The following CLVS1 variants were observed in gnomAD, a reference collection of about 807,000 sequenced individuals.
The protein encoded by CLVS1 is clavesin-1.
In CLVS1, 10 loss-of-function variants were observed where a neutral mutation model predicts 33.1. The observed-to-expected ratio is 0.30, with a 90% CI of 0.19 to 0.51. The LOEUF is 0.51. CLVS1 is among the 20% of genes least tolerant of loss of function. CLVS1 has a pLI of 0.97. For missense variants in CLVS1, 343 were observed against 433.4 expected, an observed-to-expected ratio of 0.79 and a Z score of 1.85; for synonymous variants, 163 against 166.1, an observed-to-expected ratio of 0.98 and a Z score of 0.14.
At chr8:61,402,269 G>A (rs1251513767) in intron 3 of CLVS1, among the ~76,000 whole-genome samples, 3 of 151,946 alleles carry the variant, frequency 2.0e-5, no homozygotes, top group Non-Finnish European at 4.4e-5. Flanking sequence ...AAATTAAAAG[G>A]CATGTCAAGC....
intron 2 of CLVS1, among the ~76,000 whole-genome samples, chr8:61,238,993 A>G (rs1046698401): frequency 2.0e-5 from 3 of 152,220 alleles, no homozygotes; most frequent in African/African-American, 4.8e-5. Flanking sequence ...AAGCAAACCA[A>G]TTCACACTCC....
chr8:61,117,232 AC>A (rs1805746696), intron 1 of CLVS1, among the ~76,000 whole-genome samples: 1 of 104,220 alleles, frequency 9.6e-6, no homozygotes, highest in Non-Finnish European at 1.9e-5. Context: ...GTATCCTGAG[AC>A]TTTGCTGAAG....
chr8:61,122,569 AACAC>A (rs4033855), intron 1 of CLVS1, among the ~76,000 whole-genome samples: 10,170 of 144,552 alleles, frequency 0.07, 677 homozygotes, highest in East Asian at 0.39. Context: ...ATATTAAGAA[AACAC>A]ACACACACAC....
intron 1 of CLVS1, among the ~76,000 whole-genome samples, chr8:61,122,569 AACACACACACACACACAC>A (rs4033855): frequency 7.6e-5 from 11 of 144,532 alleles, no homozygotes; most frequent in African/African-American, 1.3e-4. Context: ...ATATTAAGAA[AACACACACACACACACAC>A]ACACACACAC....
the CLVS1 span, among the ~76,000 whole-genome samples, chr8:60,993,635 C>G: frequency 7.0e-4 from 107 of 152,334 alleles, no homozygotes; most frequent in Admixed American, 1.5e-3. Flanking sequence ...CTGACTGCCT[C>G]CCAGCCTGGT....
chr8:61,476,774 T>C (rs948471175), intron 5 of CLVS1, among the ~76,000 whole-genome samples: 5 of 152,192 alleles, frequency 3.3e-5, no homozygotes, highest in African/African-American at 9.7e-5. Context: ...CTTTTCCTAA[T>C]TGAATACCCT....
chr8:60,980,298 G>T, the CLVS1 span, among the ~76,000 whole-genome samples: 1 of 152,148 alleles, frequency 6.6e-6, no homozygotes, highest in African/African-American at 2.4e-5. Flanking sequence ...ATGGGCTTTG[G>T]CATGGATGTG....
chr8:61,070,415 G>C (rs1031525324), intron 1 of CLVS1, among the ~76,000 whole-genome samples: 1 of 152,190 alleles, frequency 6.6e-6, no homozygotes, highest in Non-Finnish European at 1.5e-5. Flanking sequence ...TGCCAATACT[G>C]TTCCTAAGGG....
At chr8:61,465,853 AG>A (rs1297574986) in intron 5 of CLVS1, 3 of 152,186 alleles carry the variant, frequency 2.0e-5, no homozygotes, top group Non-Finnish European at 2.9e-5. Flanking sequence ...TAATAGAGAC[AG>A]GGTTTCACCA....
At chr8:61,441,450 A>G (rs1045320362) in intron 3 of CLVS1, among the ~76,000 whole-genome samples, 12 of 152,114 alleles carry the variant, frequency 7.9e-5, no homozygotes, top group African/African-American at 2.9e-4. Context: ...GAGGGGTCTC[A>G]TTTTAGTTTT....
chr8:60,975,735 T>TCCTCACCC, the CLVS1 span, among the ~76,000 whole-genome samples: 24 of 152,214 alleles, frequency 1.6e-4, no homozygotes, highest in Admixed American at 2.0e-4. Flanking sequence ...AAGACATCCT[T>TCCTCACCC]CCTCACCCCC....
intron 2 of CLVS1, among the ~76,000 whole-genome samples, chr8:61,153,982 G>A (rs1806598663): frequency 6.6e-6 from 1 of 152,128 alleles, no homozygotes; most frequent in African/African-American, 2.4e-5. Context: ...ACATCCCTAG[G>A]TTTTTAAGAG....
At chr8:61,288,258 A>T (rs1486529284) in intron 1 of CLVS1, 120 bp downstream of exon 1, 1 of 456,390 alleles carries the variant, frequency 2.2e-6, no homozygotes, top group East Asian at 6.9e-5. Flanking sequence ...TCCCATCTGC[A>T]ATCCCTCTGC....
intron 2 of CLVS1, among the ~76,000 whole-genome samples, chr8:61,359,816 G>C (rs2129599864): frequency 6.6e-6 from 1 of 152,292 alleles, no homozygotes; most frequent in African/African-American, 2.4e-5. Context: ...TCCCCAATTA[G>C]ATGTTTTTTT....
At chr8:61,214,082 A>G (rs527897895) in intron 2 of CLVS1, among the ~76,000 whole-genome samples, 80 of 152,272 alleles carry the variant, frequency 5.3e-4, no homozygotes, top group African/African-American at 1.9e-3. Flanking sequence ...GGAAATTCCC[A>G]CCTAATAATT....
intron 2 of CLVS1, among the ~76,000 whole-genome samples, chr8:61,326,878 A>G (rs942063320): frequency 6.6e-6 from 1 of 152,232 alleles, no homozygotes; most frequent in Non-Finnish European, 1.5e-5. Context: ...CTGATGATGT[A>G]GGAGGATTTC....
At chr8:61,480,246 C>T (rs929648637) in intron 5 of CLVS1, among the ~76,000 whole-genome samples, 10 of 152,392 alleles carry the variant, frequency 6.6e-5, no homozygotes, top group South Asian at 6.2e-4. Flanking sequence ...TCGAGCTTCC[C>T]GGCTGCTTTG....
chr8:61,175,263 T>C (rs1323171698), intron 2 of CLVS1, among the ~76,000 whole-genome samples: 1 of 152,152 alleles, frequency 6.6e-6, no homozygotes, highest in Non-Finnish European at 1.5e-5. Flanking sequence ...AGAGCCCTCA[T>C]GAATGGGATT....
chr8:61,321,531 A>G, intron 2 of CLVS1, among the ~76,000 whole-genome samples: 1 of 151,916 alleles, frequency 6.6e-6, no homozygotes, highest in African/African-American at 2.4e-5. Context: ...TTTTCTTGGA[A>G]CATAATGCAA....
Sources: allele counts gnomAD v4.1 joint callset (sites outside exome capture counted in the v4.1 genomes callset), GRCh38; gene constraint gnomAD v4.1.1; transcripts MANE v1.5; gene names NCBI Gene and HGNC (gene_info 2026-07-23, HGNC 2026-07-21).